ERCC8: variants seen among roughly 807,000 people sequenced by gnomAD.
The protein encoded by ERCC8 is ERCC excision repair 8, CSA ubiquitin ligase complex subunit, also known as DNA excision repair protein ERCC-8.
ERCC8 carries 52 observed loss-of-function variants against 54.9 expected under a neutral mutation model. The ratio of observed to expected loss-of-function variants is 0.95; its 90% CI spans 0.76 to 1.19. The LOEUF is 1.19. Among genes scored for constraint, ERCC8 ranks in the 50% most tolerant of loss-of-function variants. The probability of loss-of-function intolerance (pLI) is 0.00; values close to 1 mark genes in which losing one functional copy is unlikely to be tolerated. For synonymous variants in ERCC8, 146 were observed against 157.2 expected, an observed-to-expected ratio of 0.93 and a Z score of 0.53; for missense variants, 514 against 466.1, an observed-to-expected ratio of 1.10 and a Z score of -0.95.
chr5:60,945,058 C>G lies in ERCC8; in HGVS notation c.-50G>C. ...CACTGGACGTCGCCATGACAGAGCT[C>G]AGGGGCGGGACTGGAACAGCAGAGT... On this transcript the variant is annotated 5_prime_UTR_variant, in exon 1 of 12. Transcript: ENST00000676185. The G allele has an allele frequency of 6.5e-7, 1 of 1,540,346 alleles. No homozygotes were observed. Among genetic ancestry groups the G allele is most frequent in the South Asian group, 1.1e-5 (1 of 89,638 alleles).
chr5:60,889,934 T>C (rs1748500124), intron 10 of ERCC8, among the ~76,000 whole-genome samples: 1 of 152,136 alleles, frequency 6.6e-6, no homozygotes, highest in Admixed American at 6.6e-5. Flanking sequence ...TAGGGTCTTG[T>C]AGGTCCCCTT....
rs771352926 is a variant in ERCC8, at chr5:60,938,024, TATAC to T, written c.77+6904_77+6907del. On this transcript the variant is annotated intron_variant, in intron 1 of 11. Transcript: ENST00000676185. The stretch of plus-strand genomic sequence containing the variant: ...ATATGTATGCGTGTGTGTGTGTGTG[TATAC>T]ATACATACATACATACATACATATA... 6.1e-3 allele frequency among the ~76,000 whole-genome samples: 503 copies of T among 82,278 alleles called. 11 individuals carry two copies. The highest frequency in any genetic ancestry group is 0.027 in the Middle Eastern group (4 of 150). 54.0% of individuals were successfully genotyped at this position (82,278 alleles called of 152,430 possible).
chr5:60,927,445 G>C (rs958416978), intron 2 of ERCC8, among the ~76,000 whole-genome samples: 1 of 152,124 alleles, frequency 6.6e-6, no homozygotes, highest in Non-Finnish European at 1.5e-5. Flanking sequence ...GCAATAAAGC[G>C]GAAAATCACT....
rs1446325978 is a variant in ERCC8 at position 60,894,175 on chromosome 5, G to A, written c.844-3089C>T. On this transcript the variant is annotated intron_variant, in intron 9 of 11. Coordinates refer to ENST00000676185, the MANE Select transcript of ERCC8 (RefSeq NM_000082.4). ...AATTTTTTGTATTTTTAGTAGACAC[G>A]GGGTTTCACTGTGTGAGCCACGATG... is the stretch of plus-strand genomic sequence containing the variant. Among the ~76,000 whole-genome samples the A allele has an allele frequency of 3.3e-5, 5 of 152,038 alleles. No individual in the cohort carries two copies. The East Asian group carries it at 7.8e-4, about 24-fold the overall frequency.
intron 4 of ERCC8, among the ~76,000 whole-genome samples, chr5:60,908,558 T>TA (rs1749146555): frequency 7.1e-6 from 1 of 141,072 alleles, no homozygotes; most frequent in African/African-American, 2.7e-5. Context: ...GTCATTCATA[T>TA]AAATACATAT....
intron 11 of ERCC8, among the ~76,000 whole-genome samples, chr5:60,879,378 A>G (rs1280847031): frequency 6.6e-6 from 1 of 152,170 alleles, no homozygotes; most frequent in Admixed American, 6.5e-5. Flanking sequence ...GTAGATGTCT[A>G]TTAGGTCTGC....
At chr5:60,923,092 C>A (rs1352373088) in intron 2 of ERCC8, among the ~76,000 whole-genome samples, 2 of 80,426 alleles carry the variant, frequency 2.5e-5, no homozygotes, top group East Asian at 3.7e-3. Flanking sequence ...GGAGCCAAAC[C>A]ACTGAAGCCT....
chr5:60,892,211 T>C, intron 9 of ERCC8: 2 of 534,394 alleles, frequency 3.7e-6, no homozygotes, highest in African/African-American at 1.9e-5. Flanking sequence ...ATTGGTGCAA[T>C]AACCAGTGAG....
intron 9 of ERCC8, chr5:60,892,490 C>T: frequency 5.2e-6 from 3 of 577,160 alleles, no homozygotes; most frequent in South Asian, 3.1e-5. Context: ...AGCTGATCTT[C>T]CCGCTCACCC....
chr5:60,938,074 TATATATATATATTTTA>T (rs1428895985), intron 1 of ERCC8, among the ~76,000 whole-genome samples: 6,403 of 36,814 alleles, frequency 0.17, 223 homozygotes, highest in South Asian at 0.25. Context: ...TATATATATA[TATATATATATATTTTA>T]TTTTTTTTTT....
At chr5:60,922,258 G>T in intron 2 of ERCC8, 103 bp from the exon 3 acceptor site, 1 of 721,330 alleles carries the variant, frequency 1.4e-6, no homozygotes, top group Non-Finnish European at 2.4e-6. Flanking sequence ...ACACTCAAAT[G>T]TATTAAGGAT....
chr5:60,874,814 GT>G, intron 11 of ERCC8, 131 bp from the exon 12 acceptor site: 1 of 742,514 alleles, frequency 1.3e-6, no homozygotes, highest in Non-Finnish European at 2.2e-6. Context: ...ATGTATAACT[GT>G]TAATTTCAGA....
In ERCC8 at chr5:60,944,942, A is replaced by T. The variant is rs1750391132; in HGVS notation, c.67T>A (p.Ser23Thr). 1.9e-6 allele frequency: 3 copies of T among 1,613,428 alleles called. No homozygotes were observed. In the East Asian group the frequency reaches 6.7e-5, roughly 36 times the overall value. Reference protein sequence around the residue: ...EDPLRLRRAESTRRVLGLELN... With the variant: ...EDPLRLRRAETTRRVLGLELN... ...TAAGGTTTTCTTTACCTCCGTGTTG[A>T]CTCTGCTCTCCGAAGGCGAAGAGGG... The change falls in exon 1 of 12, where the codon TCA becomes ACA. Residue 23 changes from serine (S) to threonine (T), a missense_variant. Physicochemically the swap from Ser to Thr is moderately conservative, Grantham distance 58 (BLOSUM62 1). Coordinates refer to ENST00000676185, the MANE Select transcript of ERCC8 (RefSeq NM_000082.4).
chr5:60,868,071 T>A lies in ERCC8; in HGVS notation c.*6544A>T, dbSNP rs1427296654. Among the ~76,000 whole-genome samples the A allele has an allele frequency of 1.3e-5, 2 of 152,060 alleles. No homozygotes were observed. Among genetic ancestry groups the A allele is most frequent in the Non-Finnish European group, 2.9e-5 (2 of 67,992 alleles). On this transcript the variant is annotated 3_prime_UTR_variant, in exon 12 of 12. Transcript: ENST00000676185. Reference sequence around the variant, plus strand: ...GGCGCATGCCTGTAATCCCAGCTACTTGGGAGGCTGAGGCAGGAGAATCGC... The same window carrying A: ...GGCGCATGCCTGTAATCCCAGCTACATGGGAGGCTGAGGCAGGAGAATCGC...
At chr5:60,875,243 T>C (rs556999935) in intron 11 of ERCC8, among the ~76,000 whole-genome samples, 25 of 152,366 alleles carry the variant, frequency 1.6e-4, no homozygotes, top group South Asian at 6.2e-4. Flanking sequence ...ATGTACTTAT[T>C]TGTAAGCAGT....
intron 5 of ERCC8, 102 bp downstream of exon 5, chr5:60,904,690 G>A (rs1749017370): frequency 1.1e-5 from 3 of 279,828 alleles, no homozygotes; most frequent in African/African-American, 5.6e-5. Context: ...ATATAAAATT[G>A]TGATATTCCT....
chr5:60,888,598 G>A (rs1303587848), intron 10 of ERCC8, among the ~76,000 whole-genome samples: 1 of 152,162 alleles, frequency 6.6e-6, no homozygotes, highest in Non-Finnish European at 1.5e-5. Flanking sequence ...GACTAACAAA[G>A]AACACTTAGA....
intron 10 of ERCC8, among the ~76,000 whole-genome samples, chr5:60,888,771 G>C (rs953040450): frequency 6.6e-6 from 1 of 152,124 alleles, no homozygotes; most frequent in Admixed American, 6.5e-5. Flanking sequence ...GCCAACATTA[G>C]GCCTTACTAC....
chr5:60,931,409 G>C (rs1274387843), intron 1 of ERCC8, among the ~76,000 whole-genome samples: 1 of 152,006 alleles, frequency 6.6e-6, no homozygotes, highest in Non-Finnish European at 1.5e-5. Context: ...TGGGCTTAAG[G>C]GATCCTCTTG....
Sources: allele counts gnomAD v4.1 joint callset (sites outside exome capture counted in the v4.1 genomes callset), GRCh38; gene constraint gnomAD v4.1.1; transcripts MANE v1.5; gene names NCBI Gene and HGNC (gene_info 2026-07-23, HGNC 2026-07-21).